ZRANB3: variants seen among roughly 807,000 people sequenced by gnomAD.
ZRANB3 encodes zinc finger RANBP2-type containing 3.
A neutral mutation model predicts 133.8 loss-of-function variants in ZRANB3; 125 were observed. The ratio of observed to expected loss-of-function variants is 0.93; its 90% CI spans 0.81 to 1.08. The LOEUF (loss-of-function observed/expected upper bound fraction) is 1.08, where lower values mean the gene tolerates loss of function less well. Among genes scored for constraint, ZRANB3 ranks in the 50% least tolerant of loss-of-function variants. ZRANB3 has a pLI of 0.00. For synonymous variants in ZRANB3, 387 were observed against 432.7 expected, an observed-to-expected ratio of 0.89 and a Z score of 1.31; for missense variants, 1,229 against 1,275.5, an observed-to-expected ratio of 0.96 and a Z score of 0.56.
intron 6 of ZRANB3, among the ~76,000 whole-genome samples, chr2:135,322,443 C>T (rs753344637): frequency 5.3e-5 from 8 of 152,144 alleles, no homozygotes; most frequent in African/African-American, 1.2e-4. Context: ...AGGCCAGGCA[C>T]GGTGGCTCAT....
At chr2:135,326,450 T>A (rs1683828566) in intron 6 of ZRANB3, among the ~76,000 whole-genome samples, 1 of 152,156 alleles carries the variant, frequency 6.6e-6, no homozygotes, top group Non-Finnish European at 1.5e-5. Flanking sequence ...ACTTTTTAAA[T>A]GGGGATTAAA....
chr2:135,228,606 C>A (rs2105065308), intron 13 of ZRANB3, among the ~76,000 whole-genome samples: 1 of 151,980 alleles, frequency 6.6e-6, no homozygotes, highest in African/African-American at 2.4e-5. Context: ...AGGATGGTAG[C>A]AATAAAGATA....
At chr2:135,321,366 T>A (rs1313362039) in intron 6 of ZRANB3, among the ~76,000 whole-genome samples, 2 of 152,206 alleles carry the variant, frequency 1.3e-5, no homozygotes, top group East Asian at 3.8e-4. Flanking sequence ...TCTTGGGCAT[T>A]TTTTCATGTG....
chr2:135,345,446 C>T (rs1020513006), intron 6 of ZRANB3, 104 bp downstream of exon 6: 4 of 760,850 alleles, frequency 5.3e-6, no homozygotes, highest in East Asian at 2.8e-5. Context: ...CCAGCCTGGG[C>T]GATGGGAGTG....
chr2:135,296,393 G>A (rs1005585046), intron 8 of ZRANB3, among the ~76,000 whole-genome samples: 2 of 152,040 alleles, frequency 1.3e-5, no homozygotes, highest in Non-Finnish European at 2.9e-5. Context: ...TTGTGCCTTC[G>A]TCATGCAGCT....
intron 2 of ZRANB3, among the ~76,000 whole-genome samples, chr2:135,499,015 G>C (rs1692814690): frequency 6.6e-6 from 1 of 152,038 alleles, no homozygotes; most frequent in Admixed American, 6.6e-5. Context: ...ATTTTACCTT[G>C]TGAAGCATGG....
chr2:135,491,685 T>G (rs1255069439), intron 2 of ZRANB3, among the ~76,000 whole-genome samples: 1 of 152,030 alleles, frequency 6.6e-6, no homozygotes, highest in Non-Finnish European at 1.5e-5. Flanking sequence ...AGCTAATTTT[T>G]TTTGTATTTT....
chr2:135,303,325 G>A (rs944575837), intron 8 of ZRANB3, among the ~76,000 whole-genome samples: 44 of 152,018 alleles, frequency 2.9e-4, no homozygotes, highest in Admixed American at 1.3e-3. Flanking sequence ...ACATATGTAT[G>A]CTCCTAAGAA....
At chr2:135,498,643 T>C (rs1011797883) in intron 2 of ZRANB3, among the ~76,000 whole-genome samples, 1 of 152,184 alleles carries the variant, frequency 6.6e-6, no homozygotes, top group Non-Finnish European at 1.5e-5. Flanking sequence ...CGGGGCCATA[T>C]CTCTCTTCTT....
intron 3 of ZRANB3, among the ~76,000 whole-genome samples, chr2:135,374,393 AAGACTACACTAAACAAACTAAACT>A (rs1471595731): frequency 6.6e-6 from 1 of 152,118 alleles, no homozygotes; most frequent in African/African-American, 2.4e-5. Context: ...GCGACAGAGC[AAGACTACACTAAACAAACTAAACT>A]AAACTAAACT....
At chr2:135,344,685 C>T (rs1573946983) in intron 6 of ZRANB3, among the ~76,000 whole-genome samples, 2 of 151,936 alleles carry the variant, frequency 1.3e-5, no homozygotes, top group African/African-American at 2.4e-5. Context: ...TGCAGTGAGC[C>T]GAGATTGTAC....
chr2:135,439,410 GTAAAA>G (rs1689684901), intron 2 of ZRANB3, among the ~76,000 whole-genome samples: 1 of 152,068 alleles, frequency 6.6e-6, no homozygotes, highest in Admixed American at 6.6e-5. Context: ...CTCTTTGCAA[GTAAAA>G]TAAAATAACT....
intron 3 of ZRANB3, among the ~76,000 whole-genome samples, chr2:135,380,316 A>C (rs1304800751): frequency 6.6e-6 from 1 of 152,202 alleles, no homozygotes; most frequent in African/African-American, 2.4e-5. Context: ...AGCGGACCTA[A>C]TAGACATCTA....
At chr2:135,211,027 T>G (rs1173402769) in intron 17 of ZRANB3, among the ~76,000 whole-genome samples, 1 of 151,760 alleles carries the variant, frequency 6.6e-6, no homozygotes, top group Non-Finnish European at 1.5e-5. Context: ...AGACTCTGTC[T>G]CAAAAAAAAG....
At chr2:135,260,746 C>G (rs560026316) in intron 12 of ZRANB3, among the ~76,000 whole-genome samples, 1 of 143,902 alleles carries the variant, frequency 6.9e-6, no homozygotes, top group South Asian at 2.2e-4. Flanking sequence ...ATCAAGTATA[C>G]TTGAATATAT....
At chr2:135,247,358 GT>G (rs897215237) in intron 12 of ZRANB3, among the ~76,000 whole-genome samples, 1 of 150,078 alleles carries the variant, frequency 6.7e-6, no homozygotes, top group East Asian at 1.9e-4. Context: ...GAAATGACTG[GT>G]TTTTTTTTCA....
chr2:135,398,217 C>T (rs1340423240), intron 2 of ZRANB3, among the ~76,000 whole-genome samples: 1 of 151,912 alleles, frequency 6.6e-6, no homozygotes, highest in Non-Finnish European at 1.5e-5. Flanking sequence ...AGGTGCCCGC[C>T]ACCACACCCG....
chr2:135,276,440 A>T (rs1397426304), intron 8 of ZRANB3, among the ~76,000 whole-genome samples: 3 of 152,152 alleles, frequency 2.0e-5, no homozygotes, highest in Non-Finnish European at 4.4e-5. Context: ...CAATTATGAC[A>T]CAGAAGGAAG....
chr2:135,415,076 C>G lies in ZRANB3; in HGVS notation c.162-24256G>C, dbSNP rs1228716528. ...AAGCAAGAGCAAACACATTCAAAAGCTAGCAGAAGGCAAGAAATAACTAAA... is the reference window on the plus strand; with the variant it reads ...AAGCAAGAGCAAACACATTCAAAAGGTAGCAGAAGGCAAGAAATAACTAAA... On this transcript the variant is annotated intron_variant, in intron 2 of 20. Coordinates refer to ENST00000264159, the MANE Select transcript of ZRANB3 (RefSeq NM_032143.4). Among the ~76,000 whole-genome samples the G allele has an allele frequency of 2.7e-5, 4 of 149,376 alleles. No homozygotes were observed. In the East Asian group the frequency reaches 7.9e-4, roughly 30 times the overall value.
Sources: gnomAD v4.1 joint callset for allele counts (sites outside exome capture counted in the v4.1 genomes callset) on GRCh38, gnomAD v4.1.1 for gene constraint, MANE v1.5 for transcripts, NCBI Gene and HGNC (gene_info 2026-07-23, HGNC 2026-07-21) for gene names.